Variants in MMP8 observed in about 807,000 individuals in gnomAD.
MMP8 encodes neutrophil collagenase.
Under a neutral mutation model 51.2 loss-of-function variants are expected in MMP8, and 67 were observed. The observed-to-expected ratio is 1.31, with a 90% CI of 1.08 to 1.60. The LOEUF (loss-of-function observed/expected upper bound fraction) is 1.60. Ranked by LOEUF, MMP8 falls within the 40% of genes most tolerant of loss-of-function variation. MMP8 has a pLI of 0.00. For synonymous variants in MMP8, 225 were observed against 191.0 expected (o/e 1.18, Z -1.47); for missense variants, 654 against 558.1 (o/e 1.17, Z -1.73).
intron 5 of MMP8, among the ~76,000 whole-genome samples, chr11:102,717,531 T>C (rs867462832): frequency 1.3e-5 from 2 of 152,212 alleles, no homozygotes; most frequent in South Asian, 2.1e-4. Context: ...TACCAAGTTT[T>C]AAAGACCCAT....
chr11:102,723,096 G>C, intron 1 of MMP8: 3 of 1,259,348 alleles, frequency 2.4e-6, no homozygotes, highest in Non-Finnish European at 3.1e-6. Context: ...ACAAACAGAA[G>C]CACAGAGAAT....
Position 102,712,210 on chromosome 11 carries a change from G to A in MMP8, c.*1138C>T, listed in dbSNP as rs7934972. The A allele has an allele frequency of 0.12, 17,642 of 152,122 alleles. 1,285 individuals carry two copies. The highest frequency in any genetic ancestry group is 0.24 in the East Asian group (1,235 of 5,166). 9.4% of individuals were successfully genotyped at this position (152,122 alleles called of 1,614,324 possible). On this transcript the variant is annotated 3_prime_UTR_variant, in exon 10 of 10. Coordinates refer to ENST00000236826, the MANE Select transcript of MMP8 (RefSeq NM_002424.3). ...CCCCAGGAAATAGAAGTAAAGAACT[G>A]ACGAACATCAGATCCAACTGGCCCA...
Position 102,722,484 on chromosome 11 carries a change from C to G in MMP8, c.292G>C (p.Gly98Arg), listed in dbSNP as rs571463672. The G allele has an allele frequency of 8.7e-6, 14 of 1,613,830 alleles. No homozygotes were observed. Among genetic ancestry groups the G allele is most frequent in the Non-Finnish European group, 1.2e-5 (14 of 1,179,810 alleles). Reference sequence around the variant, plus strand: ...GGGTTTCCTGGGGTTAACATAAAACCACCACTGTCAGGCACTCCACAGCGA... The same window carrying G: ...GGGTTTCCTGGGGTTAACATAAAACGACCACTGTCAGGCACTCCACAGCGA... ...KPRCGVPDSG[G>R]FMLTPGNPKW... is the part of the protein sequence containing the mutation. The change falls in exon 2 of 10, where the codon GGT (glycine) becomes CGT (arginine). Residue 98 changes from glycine (G) to arginine (R), a missense_variant. Coordinates refer to ENST00000236826, the MANE Select transcript of MMP8 (RefSeq NM_002424.3).
At chr11:102,715,595 G>T (rs977657587) in intron 6 of MMP8, among the ~76,000 whole-genome samples, 158 bp from the exon 7 acceptor site, 1 of 152,166 alleles carries the variant, frequency 6.6e-6, no homozygotes, top group African/African-American at 2.4e-5. Context: ...CCAGCATATG[G>T]CGAAGCTTTA....
chr11:102,713,736 T>C lies in MMP8; in HGVS notation c.1294+18A>G. On this transcript the variant is annotated intron_variant, in intron 9 of 9. Transcript: ENST00000236826. ...ACAAACAAACAACACATTTATTAGG[T>C]TTTTTTTTCCTACTTACGTTCTTGC... 2 of 1,438,420 alleles carry C rather than the reference T, an allele frequency of 1.4e-6. No individual in the cohort carries two copies. Among genetic ancestry groups the C allele is most frequent in the Non-Finnish European group, 1.8e-6 (2 of 1,091,482 alleles). The allele number at this position is 1,438,420 out of a possible 1,614,324, so 89.1% of individuals were successfully genotyped here.
At position 102,713,207 on chromosome 11, in the gene MMP8, A is replaced by G. The variant is rs1486865311; in HGVS notation, c.*141T>C. ...GAATATTCCAAACATATTTTCACGG[A>G]GGACAGGTAGAATGGATACAGTGAT... On this transcript the variant is annotated 3_prime_UTR_variant, in exon 10 of 10. Transcript: ENST00000236826. The G allele has an allele frequency of 6.6e-6, 4 of 607,942 alleles. No individual in the cohort carries two copies. Among genetic ancestry groups the G allele is most frequent in the Non-Finnish European group, 1.2e-5 (4 of 341,984 alleles). 37.7% of individuals were successfully genotyped at this position (607,942 alleles called of 1,614,324 possible). A position where few individuals can be genotyped will look rare whatever the true frequency, so the allele number is the denominator to read the frequency against.
At chr11:102,716,486 G>T in intron 5 of MMP8, 67 bp from the exon 6 acceptor site, 1 of 976,872 alleles carries the variant, frequency 1.0e-6, no homozygotes, top group Admixed American at 2.4e-5. Context: ...TGACTCTTGG[G>T]TACATCAGAG....
In MMP8 at chr11:102,713,843, C is replaced by G; in HGVS notation, c.1205G>C (p.Arg402Thr). 6.2e-7 allele frequency: 1 copy of G among 1,609,118 alleles called. No individual in the cohort carries two copies. Among genetic ancestry groups the G allele is most frequent in the South Asian group, 1.1e-5 (1 of 90,012 alleles). Reference sequence around the variant, plus strand: ...GGGATAACCTGGCTCCATGAATTGTCTTTGGTTATCATATCTGGTAAAAAC... The same window carrying G: ...GGGATAACCTGGCTCCATGAATTGTGTTTGGTTATCATATCTGGTAAAAAC... ...NDQFWRYDNQ[R>T]QFMEPGYPKS... Residue 402 changes from arginine (R) to threonine (T), a missense_variant, in exon 9 of 10, where the codon AGA becomes ACA. Arg to Thr is a moderately conservative substitution (Grantham distance 71). Transcript: ENST00000236826.
chr11:102,713,534 C>T (rs1367568737), intron 9 of MMP8, 77 bp from the exon 10 acceptor site: 3 of 1,257,444 alleles, frequency 2.4e-6, no homozygotes, highest in Non-Finnish European at 3.4e-6. Flanking sequence ...AACCCTGCCC[C>T]TGTTCCAACA....
chr11:102,724,586 A>G (rs1861565521), intron 1 of MMP8, among the ~76,000 whole-genome samples, 168 bp downstream of exon 1: 1 of 152,230 alleles, frequency 6.6e-6, no homozygotes, highest in South Asian at 2.1e-4. Context: ...TAAAAGGCCT[A>G]GTCCTTACCA....
chr11:102,722,368 C>T, intron 2 of MMP8, 61 bp downstream of exon 2: 1 of 1,554,830 alleles, frequency 6.4e-7, no homozygotes, highest in African/African-American at 1.4e-5. Context: ...CAGTGTCTGT[C>T]ATATAAGAGC....
intron 7 of MMP8, 148 bp downstream of exon 7, chr11:102,715,156 T>A: frequency 3.2e-6 from 3 of 944,642 alleles, no homozygotes; most frequent in Non-Finnish European, 4.6e-6. Flanking sequence ...TTAGTGGTCC[T>A]GATGGGGCCC....
chr11:102,715,162 G>C, intron 7 of MMP8, 142 bp downstream of exon 7: 1 of 1,001,860 alleles, frequency 1.0e-6, no homozygotes, highest in South Asian at 1.8e-5. Flanking sequence ...GTCCTGATGG[G>C]GCCCAACCCT....
rs1164201579 is a variant in MMP8, at chr11:102,712,153, C to G, written c.*1195G>C. On this transcript the variant is annotated 3_prime_UTR_variant, in exon 10 of 10. Coordinates refer to ENST00000236826, the MANE Select transcript of MMP8 (RefSeq NM_002424.3). ...GACATTGAATTTTATGCAGCTAACC[C>G]AAGTTATCTATAGTGTGTGCCCTCC... 6.6e-6 allele frequency: 1 copy of G among 152,056 alleles called. No homozygotes were observed. Among genetic ancestry groups the G allele is most frequent in the Non-Finnish European group, 1.5e-5 (1 of 68,018 alleles). The allele number at this position is 152,056 out of a possible 1,614,324, so 9.4% of individuals were successfully genotyped here.
intron 1 of MMP8, 56 bp downstream of exon 1, chr11:102,724,698 A>G: frequency 1.4e-6 from 2 of 1,446,210 alleles, no homozygotes; most frequent in East Asian, 2.4e-5. Context: ...AAAACAACCC[A>G]CACTATTTCC....
chr11:102,721,228 T>TA (rs1480254435), intron 4 of MMP8, among the ~76,000 whole-genome samples, 173 bp downstream of exon 4: 1 of 152,122 alleles, frequency 6.6e-6, no homozygotes, highest in African/African-American at 2.4e-5. Context: ...TTTCTTTTTT[T>TA]AAAAAAATCC....
At position 102,718,567 on chromosome 11, in the gene MMP8, AG is replaced by A; in HGVS notation, c.630del (p.Leu211CysfsTer24). 2 of 1,613,912 alleles carry A rather than the reference AG, an allele frequency of 1.2e-6. No homozygotes were observed. Among genetic ancestry groups the A allele is most frequent in the Non-Finnish European group, 1.7e-6 (2 of 1,179,852 alleles). ...AATTCATGAGCAGCAACAAGAAACA[AG>A]TTGTAATCTGAAATGCAAACACGGG... ...ETWTNTSANYNLFLVAAHEFG... is the reference protein window; with the variant it reads ...ETWTNTSANYXLFLVAAHEFG... On this transcript the variant is annotated frameshift_variant, in exon 5 of 10. Transcript: ENST00000236826. LOFTEE classifies it high-confidence loss of function.
intron 1 of MMP8, chr11:102,723,881 C>A: frequency 7.1e-6 from 2 of 283,672 alleles, no homozygotes; most frequent in Non-Finnish European, 1.5e-5. Flanking sequence ...CAAATCTTAA[C>A]TCTGCCATGA....
At chr11:102,723,203 G>A (rs1274264020) in intron 1 of MMP8, 1 of 460,310 alleles carries the variant, frequency 2.2e-6, no homozygotes, top group African/African-American at 2.0e-5. Flanking sequence ...TATCTTTTAG[G>A]GGAACAGCAA....
Sources: allele counts gnomAD v4.1 joint callset (sites outside exome capture counted in the v4.1 genomes callset), GRCh38; gene constraint gnomAD v4.1.1; transcripts MANE v1.5; gene names NCBI Gene and HGNC (gene_info 2026-07-23, HGNC 2026-07-21).